BPIFB3: variants seen among roughly 807,000 people sequenced by gnomAD.
The protein encoded by BPIFB3 is BPI fold containing family B member 3, also known as BPI fold-containing family B member 3.
A neutral mutation model predicts 53.1 loss-of-function variants in BPIFB3; 49 were observed. The ratio of observed to expected loss-of-function variants is 0.92; its 90% CI spans 0.73 to 1.17. BPIFB3 has a LOEUF of 1.17. Ranked by LOEUF, BPIFB3 falls within the 50% of genes most tolerant of loss-of-function variation. The pLI, the probability that BPIFB3 is intolerant of heterozygous loss-of-function variation, is 0.00. For synonymous variants in BPIFB3, 271 were observed against 269.6 expected (o/e 1.01, Z -0.05); for missense variants, 628 against 592.5 (o/e 1.06, Z -0.62).
chr20:33,059,315 C>A, intron 2 of BPIFB3, 63 bp from the exon 4 acceptor site: 1 of 1,311,270 alleles, frequency 7.6e-7, no homozygotes, highest in South Asian at 1.3e-5. Flanking sequence ...AAGAGCCACT[C>A]TGGGCGCCGC....
At chr20:33,061,403 G>A (rs1451092047) in intron 4 of BPIFB3, among the ~76,000 whole-genome samples, 1 of 152,062 alleles carries the variant, frequency 6.6e-6, no homozygotes, top group East Asian at 1.9e-4. Flanking sequence ...CCCCCACTCT[G>A]GGGGCTCAAT....
intron 5 of BPIFB3, 42 bp from the exon 7 acceptor site, chr20:33,063,573 T>G: frequency 6.2e-7 from 1 of 1,603,746 alleles, no homozygotes; most frequent in Non-Finnish European, 8.5e-7. Context: ...GTCCTCGCAG[T>G]GAGCTCTTCT....
intron 3 of BPIFB3, 127 bp from the exon 5 acceptor site, chr20:33,059,764 A>T: frequency 7.3e-7 from 1 of 1,363,402 alleles, no homozygotes; most frequent in Non-Finnish European, 9.9e-7. Flanking sequence ...GAAGTGCAAA[A>T]TGGGGCAGGG....
intron 11 of BPIFB3, among the ~76,000 whole-genome samples, chr20:33,070,831 T>C (rs1446144257): frequency 2.0e-5 from 3 of 152,080 alleles, no homozygotes; most frequent in Non-Finnish European, 1.5e-5. Context: ...TTTTAGGAGG[T>C]AGAGATGCGT....
chr20:33,058,346 T>C lies in BPIFB3; in HGVS notation c.282-1032T>C, dbSNP rs563374945. On this transcript the variant is annotated intron_variant, in intron 2 of 14. Coordinates refer to ENST00000375494, the Ensembl canonical transcript of BPIFB3. ...TCGCTGTGTGTCATTCTGTGGTAGG[T>C]GTGGTCAATGTCCCTATTTTACAGA... is the stretch of plus-strand genomic sequence containing the variant. Among the ~76,000 whole-genome samples, 11 of 152,190 alleles carry C rather than the reference T, an allele frequency of 7.2e-5. No individual in the cohort carries two copies. In the South Asian group the frequency reaches 2.3e-3, roughly 32 times the overall value.
upstream of BPIFB3, among the ~76,000 whole-genome samples, chr20:33,054,572 C>T (rs1216790341): frequency 6.6e-6 from 1 of 152,056 alleles, no homozygotes; most frequent in Non-Finnish European, 1.5e-5. Context: ...AACAAGGAAC[C>T]GCATGTGCAA....
chr20:33,064,192 G>C (rs1980569419), intron 6 of BPIFB3, among the ~76,000 whole-genome samples: 1 of 152,184 alleles, frequency 6.6e-6, no homozygotes. Context: ...ATGTAAGAGA[G>C]GCAGGGTAGC....
exon 8 of BPIFB3, chr20:33,064,813 G>A (rs200354205): frequency 5.0e-6 from 8 of 1,613,594 alleles, no homozygotes; most frequent in East Asian, 4.5e-5. Flanking sequence ...GCAGACCAAC[G>A]GCGCCCTCGA....
At chr20:33,059,171 G>C (rs917655819) in intron 2 of BPIFB3, among the ~76,000 whole-genome samples, 2 of 152,122 alleles carry the variant, frequency 1.3e-5, no homozygotes, top group Non-Finnish European at 2.9e-5. Flanking sequence ...ACTTGTCTTT[G>C]CAACACTCCT....
upstream of BPIFB3, chr20:33,055,384 G>A (rs1980146428): frequency 1.2e-6 from 2 of 1,607,784 alleles, no homozygotes; most frequent in Non-Finnish European, 1.7e-6. Context: ...GCTTGAGCAG[G>A]AGAAGGGTCT....
intron 2 of BPIFB3, among the ~76,000 whole-genome samples, chr20:33,057,009 C>T (rs771156829): frequency 4.6e-5 from 7 of 152,082 alleles, no homozygotes; most frequent in South Asian, 2.1e-4. Context: ...TCCAGGTGTC[C>T]GCTCAAAAGA....
chr20:33,065,519 A>G (rs2051752263), intron 8 of BPIFB3, among the ~76,000 whole-genome samples: 1 of 151,124 alleles, frequency 6.6e-6, no homozygotes, highest in South Asian at 2.1e-4. Context: ...TCAGAAAAAG[A>G]GAAAGAAGGA....
chr20:33,057,423 A>G (rs537374818), intron 2 of BPIFB3, among the ~76,000 whole-genome samples: 4 of 88,642 alleles, frequency 4.5e-5, no homozygotes, highest in Admixed American at 2.2e-4. Flanking sequence ...TCCTGATCTC[A>G]GGAGATCTGC....
chr20:33,070,990 G>A (rs1980860620), intron 11 of BPIFB3, among the ~76,000 whole-genome samples: 1 of 152,156 alleles, frequency 6.6e-6, no homozygotes, highest in Admixed American at 6.5e-5. Context: ...TCAGCCACCT[G>A]CCCAGGGTCA....
chr20:33,069,182 T>C (rs534466596), intron 10 of BPIFB3, among the ~76,000 whole-genome samples: 20 of 152,226 alleles, frequency 1.3e-4, no homozygotes, highest in African/African-American at 4.6e-4. Context: ...CCTCCTGTCA[T>C]GTCTGCCTGG....
chr20:33,055,471 C>G (rs1024991233), exon 1 of BPIFB3: 1 of 1,613,746 alleles, frequency 6.2e-7, no homozygotes. Context: ...TGCTCTGGGG[C>G]CTGGCGACTC....
chr20:33,064,671 C>T (rs934156492), exon 8 of BPIFB3: 17 of 1,613,676 alleles, frequency 1.1e-5, no homozygotes, highest in Middle Eastern at 1.6e-4. Flanking sequence ...TGCAGCCTAT[C>T]GTGAAGAGTG....
chr20:33,058,826 G>A (rs541934887), intron 2 of BPIFB3, among the ~76,000 whole-genome samples: 1 of 152,128 alleles, frequency 6.6e-6, no homozygotes, highest in East Asian at 1.9e-4. Flanking sequence ...AGGAGTGCAC[G>A]TGAACTGGGA....
intron 5 of BPIFB3, among the ~76,000 whole-genome samples, chr20:33,062,863 G>A (rs1028260205): frequency 1.3e-5 from 2 of 152,138 alleles, no homozygotes; most frequent in Non-Finnish European, 2.9e-5. Context: ...TCATTTCTGT[G>A]ACTTGCCTGA....
Sources: allele counts gnomAD v4.1 joint callset (sites outside exome capture counted in the v4.1 genomes callset), GRCh38; gene constraint gnomAD v4.1.1; transcripts MANE v1.5; gene names NCBI Gene and HGNC (gene_info 2026-07-23, HGNC 2026-07-21).